The following IRAG1 variants were observed in gnomAD, a reference collection of about 807,000 sequenced individuals.
IRAG1 encodes the protein inositol 1,4,5-triphosphate receptor associated 1.
A neutral mutation model predicts 106.2 loss-of-function variants in IRAG1; 62 were observed. The ratio of observed to expected loss-of-function variants is 0.58; its 90% CI spans 0.48 to 0.72. The LOEUF (loss-of-function observed/expected upper bound fraction) is 0.72. Ranked by LOEUF, IRAG1 falls within the 30% of genes least tolerant of loss-of-function variation. The pLI, the probability that IRAG1 is intolerant of heterozygous loss-of-function variation, is 0.00. For synonymous variants in IRAG1, 462 were observed against 443.9 expected (o/e 1.04, Z -0.51); for missense variants, 1,064 against 1,140.7 (o/e 0.93, Z 0.97).
intron 1 of IRAG1, among the ~76,000 whole-genome samples, chr11:10,656,134 A>G (rs1051335200): frequency 1.3e-5 from 2 of 152,220 alleles, no homozygotes; most frequent in Admixed American, 1.3e-4. Context: ...TTTAGAATAT[A>G]ATCTCCAGGA....
Position 10,620,150 on chromosome 11 carries a change from T to C in IRAG1, c.1447+3628A>G, listed in dbSNP as rs961953722. 5.9e-5 allele frequency among the ~76,000 whole-genome samples: 9 copies of C among 152,126 alleles called. 1 individual carries two copies. Among genetic ancestry groups the C allele is most frequent in the Admixed American group, 5.9e-4 (9 of 15,274 alleles). ...GATTTCTATAAAGATCTATGTAAGA[T>C]AGTATTCATTATAACAGTGTTTTTA... On this transcript the variant is annotated intron_variant, in intron 10 of 20. Coordinates refer to ENST00000423302, the MANE Select transcript of IRAG1 (RefSeq NM_130385.4).
chr11:10,668,443 CTA>C (rs1056362090), intron 1 of IRAG1, among the ~76,000 whole-genome samples: 3 of 152,338 alleles, frequency 2.0e-5, no homozygotes, highest in Non-Finnish European at 4.4e-5. Flanking sequence ...GTTCAACAAA[CTA>C]TGGCCTTTGG....
chr11:10,680,381 G>GAAGA, intron 1 of IRAG1, among the ~76,000 whole-genome samples: 1 of 75,472 alleles, frequency 1.3e-5, no homozygotes. Flanking sequence ...AGGAAGGAAG[G>GAAGA]AAGGAAGGAA....
At chr11:10,681,753 C>T (rs1300971031) in intron 1 of IRAG1, among the ~76,000 whole-genome samples, 3 of 152,294 alleles carry the variant, frequency 2.0e-5, no homozygotes, top group Non-Finnish European at 4.4e-5. Context: ...GCACCAGGGA[C>T]GGATGCTGGA....
chr11:10,584,771 T>C (rs1306654248), intron 18 of IRAG1, among the ~76,000 whole-genome samples: 3 of 152,092 alleles, frequency 2.0e-5, no homozygotes, highest in African/African-American at 4.8e-5. Context: ...GAACTTCAGA[T>C]TCCTCAACTG....
At chr11:10,589,191 CTT>C (rs1477133617) in intron 18 of IRAG1, 2 of 152,130 alleles carry the variant, frequency 1.3e-5, no homozygotes, top group Non-Finnish European at 2.9e-5. Flanking sequence ...GCCCTTCCTG[CTT>C]TGTCACTGTA....
chr11:10,586,903 A>G lies in IRAG1; in HGVS notation c.2240+4645T>C, dbSNP rs540820798. On this transcript the variant is annotated intron_variant, in intron 18 of 20. Transcript: ENST00000423302. ...CCTGTCAAGTTGCATCGGTTTCACT[A>G]TGACTTATCCAGTCCCTACTAGGAA... Among the ~76,000 whole-genome samples, 11 of 152,342 alleles carry G rather than the reference A, an allele frequency of 7.2e-5. No individual in the cohort carries two copies. The South Asian group carries it at 8.3e-4, about 11-fold the overall frequency.
At chr11:10,631,800 T>C (rs1856711009) in intron 4 of IRAG1, among the ~76,000 whole-genome samples, 191 bp downstream of exon 4, 1 of 152,248 alleles carries the variant, frequency 6.6e-6, no homozygotes. Flanking sequence ...TGGTCTTGTC[T>C]TTTGAGCAAT....
intron 20 of IRAG1, among the ~76,000 whole-genome samples, chr11:10,576,891 T>A (rs1250028206): frequency 6.6e-6 from 1 of 152,234 alleles, no homozygotes; most frequent in Non-Finnish European, 1.5e-5. Context: ...CATCCATACA[T>A]GCCCTCATCT....
chr11:10,593,391 G>T (rs1213248961), intron 17 of IRAG1, 101 bp downstream of exon 17: 6 of 858,180 alleles, frequency 7.0e-6, no homozygotes, highest in East Asian at 2.7e-5. Context: ...TCTCCTTGTT[G>T]ACCCTGCCCC....
rs911860071 is a variant in IRAG1 at position 10,628,884 on chromosome 11, G to A, written c.575-56C>T. 7.4e-6 allele frequency: 11 copies of A among 1,487,236 alleles called. No individual in the cohort carries two copies. In the African/African-American group the frequency reaches 1.6e-4, roughly 21 times the overall value. The allele number at this position is 1,487,236 out of a possible 1,614,324, so 92.1% of individuals were successfully genotyped here. ...TCATGAAGGTTTAGGACTTCAACCT[G>A]GCAAAGGCATCCTTTTAGGTATTCC... On this transcript the variant is annotated intron_variant, in intron 5 of 20. Transcript: ENST00000423302. The surrounding 1 kb of genome is among the most constrained non-coding windows in gnomAD (Gnocchi z 4.1).
chr11:10,687,535 C>G, intron 1 of IRAG1: 1 of 562,556 alleles, frequency 1.8e-6, no homozygotes, highest in South Asian at 2.9e-5. Flanking sequence ...TTTCCAACAC[C>G]AGCTTCATCA....
intron 9 of IRAG1, among the ~76,000 whole-genome samples, chr11:10,624,603 G>A (rs968656986): frequency 6.8e-6 from 1 of 147,054 alleles, no homozygotes; most frequent in Non-Finnish European, 1.5e-5. Flanking sequence ...ACTTGGGAAT[G>A]GTTTGTCCCC....
At position 10,657,815 on chromosome 11, in the gene IRAG1, TCACCAGTCTTACCCCTG is replaced by T. The variant is rs1859038349; in HGVS notation, c.68-5650_68-5634del. 6.6e-6 allele frequency among the ~76,000 whole-genome samples: 1 copy of T among 152,028 alleles called. No homozygotes were observed. Among genetic ancestry groups the T allele is most frequent in the Admixed American group, 6.6e-5 (1 of 15,264 alleles). ...AGGGTGATGGAGGGACACTGAGAACTCACCAGTCTTACCCCTGCACCCATTTTTACCAATGGGGAACC... is the reference window on the plus strand; with the variant it reads ...AGGGTGATGGAGGGACACTGAGAACTCACCCATTTTTACCAATGGGGAACC... On this transcript the variant is annotated intron_variant, in intron 1 of 20. Transcript: ENST00000423302. The surrounding 1 kb of genome is among the most constrained non-coding windows in gnomAD (Gnocchi z 4.1).
In IRAG1 at chr11:10,668,337, A is replaced by T. The variant is rs941806778; in HGVS notation, c.68-16155T>A. On this transcript the variant is annotated intron_variant, in intron 1 of 20. Coordinates refer to ENST00000423302, the MANE Select transcript of IRAG1 (RefSeq NM_130385.4). ...ATTTGAAAAGTATGTAAATGTATGT[A>T]AATTAGATATACAGTGTCTAGCACA... Among the ~76,000 whole-genome samples the T allele has an allele frequency of 2.6e-5, 4 of 152,266 alleles. No homozygotes were observed. The South Asian group carries it at 8.3e-4, about 31-fold the overall frequency.
chr11:10,660,416 T>A (rs1859300735), intron 1 of IRAG1, among the ~76,000 whole-genome samples: 3 of 152,204 alleles, frequency 2.0e-5, no homozygotes, highest in Admixed American at 6.5e-5. Flanking sequence ...TCTTCTCAGT[T>A]CCATGATCAG....
Position 10,653,573 on chromosome 11 carries a change from C to T in IRAG1, c.68-1391G>A, listed in dbSNP as rs907609797. Among the ~76,000 whole-genome samples the T allele has an allele frequency of 4.6e-5, 7 of 152,148 alleles. No individual in the cohort carries two copies. The East Asian group carries it at 1.3e-3, about 29-fold the overall frequency. ...GATAGCAATGTAGAAAGAACACAGG[C>T]TTTGGAACCAGATATCTCGGTGTGA... On this transcript the variant is annotated intron_variant, in intron 1 of 20. Coordinates refer to ENST00000423302, the MANE Select transcript of IRAG1 (RefSeq NM_130385.4).
chr11:10,585,992 GC>G, intron 18 of IRAG1: 1 of 151,798 alleles, frequency 6.6e-6, no homozygotes, highest in East Asian at 1.9e-4. Flanking sequence ...TTCAATAGAA[GC>G]CCTCCATGAA....
At chr11:10,685,325 G>A (rs1861584275) in intron 1 of IRAG1, among the ~76,000 whole-genome samples, 1 of 150,924 alleles carries the variant, frequency 6.6e-6, no homozygotes, top group African/African-American at 2.4e-5. Context: ...GCGCATGCCT[G>A]TAATCCCAGC....
Sources: allele counts gnomAD v4.1 joint callset (sites outside exome capture counted in the v4.1 genomes callset), GRCh38; gene constraint gnomAD v4.1.1; non-coding constraint Gnocchi (gnomAD v3.1); transcripts MANE v1.5; gene names NCBI Gene and HGNC (gene_info 2026-07-23, HGNC 2026-07-21).